RGL1: variants seen among roughly 807,000 people sequenced by gnomAD.
The protein encoded by RGL1 is ral guanine nucleotide dissociation stimulator like 1.
Under a neutral mutation model 95.2 loss-of-function variants are expected in RGL1, and 24 were observed. That is an observed-to-expected ratio of 0.25 (90% confidence interval 0.18 to 0.35). RGL1 has a LOEUF of 0.35. Ranked by LOEUF, RGL1 falls within the 10% of genes least tolerant of loss-of-function variation. RGL1 has a pLI of 1.00. For synonymous variants in RGL1, 329 were observed against 344.9 expected (o/e 0.95, Z 0.51); for missense variants, 715 against 936.3 (o/e 0.76, Z 3.08).
At chr1:183,645,097 A>C (rs1650192702) in intron 1 of RGL1, among the ~76,000 whole-genome samples, 1 of 152,232 alleles carries the variant, frequency 6.6e-6, no homozygotes. Flanking sequence ...TTTGAGTCAC[A>C]TAATGGACTC....
At chr1:183,769,992 G>C (rs1659193883) in intron 2 of RGL1, among the ~76,000 whole-genome samples, 1 of 152,160 alleles carries the variant, frequency 6.6e-6, no homozygotes, top group South Asian at 2.1e-4. Context: ...GGGCAAAATA[G>C]TATTACAAAA....
chr1:183,723,095 G>A (rs746580852), intron 1 of RGL1, among the ~76,000 whole-genome samples: 16 of 152,108 alleles, frequency 1.1e-4, no homozygotes, highest in Non-Finnish European at 2.1e-4. Flanking sequence ...TGTATTTTAT[G>A]TAAAATATTG....
intron 1 of RGL1, among the ~76,000 whole-genome samples, chr1:183,656,113 CTT>C (rs60220835): frequency 6.9e-6 from 1 of 144,972 alleles, no homozygotes; most frequent in African/African-American, 2.5e-5. Context: ...CTTTTCTTTT[CTT>C]TTTTTTTTCT....
At chr1:183,674,084 C>T (rs921094673) in intron 1 of RGL1, among the ~76,000 whole-genome samples, 3 of 152,150 alleles carry the variant, frequency 2.0e-5, no homozygotes, top group Middle Eastern at 6.3e-3. Flanking sequence ...ATTTCCTGGA[C>T]TCATCTTTCC....
At chr1:183,742,001 T>C in intron 1 of RGL1, 2 of 631,938 alleles carry the variant, frequency 3.2e-6, no homozygotes, top group Non-Finnish European at 5.3e-6. Flanking sequence ...TAAAAGTTGA[T>C]GCCTATTATG....
chr1:183,690,799 T>C (rs1653900350), intron 1 of RGL1, among the ~76,000 whole-genome samples: 1 of 152,194 alleles, frequency 6.6e-6, no homozygotes, highest in South Asian at 2.1e-4. Context: ...CTGATTTTTC[T>C]TCTACTTGTT....
chr1:183,671,993 C>T (rs945141210), intron 1 of RGL1, among the ~76,000 whole-genome samples: 8 of 149,096 alleles, frequency 5.4e-5, no homozygotes, highest in Admixed American at 2.0e-4. Flanking sequence ...AGTGCAGTGG[C>T]GCGATCTTGG....
At chr1:183,677,856 G>A (rs115541270) in intron 1 of RGL1, among the ~76,000 whole-genome samples, 1 of 152,296 alleles carries the variant, frequency 6.6e-6, no homozygotes, top group African/African-American at 2.4e-5. Context: ...GCTGGGACTT[G>A]AATCCAGTCT....
At chr1:183,684,984 G>A (rs11800751) in intron 1 of RGL1, among the ~76,000 whole-genome samples, 12,322 of 152,230 alleles carry the variant, frequency 0.081, 919 homozygotes, top group African/African-American at 0.2. Context: ...AAAATCACCC[G>A]CCTTCTGCGT....
intron 1 of RGL1, among the ~76,000 whole-genome samples, chr1:183,699,035 G>A (rs1462163744): frequency 6.6e-6 from 1 of 152,240 alleles, no homozygotes; most frequent in Non-Finnish European, 1.5e-5. Context: ...GAATTATAAA[G>A]ATTTTAGCTG....
chr1:183,811,750 C>T (rs901602738), intron 2 of RGL1, among the ~76,000 whole-genome samples: 1 of 152,142 alleles, frequency 6.6e-6, no homozygotes, highest in East Asian at 1.9e-4. Flanking sequence ...ATATCCATTT[C>T]AATTCACCAA....
intron 2 of RGL1, among the ~76,000 whole-genome samples, chr1:183,773,456 G>A (rs561984696): frequency 9.2e-5 from 14 of 152,208 alleles, no homozygotes; most frequent in Non-Finnish European, 1.6e-4. Flanking sequence ...TTTGTGTTTC[G>A]CCCTGAGATG....
intron 1 of RGL1, among the ~76,000 whole-genome samples, chr1:183,678,100 G>A (rs889823071): frequency 2.6e-5 from 4 of 152,122 alleles, no homozygotes; most frequent in African/African-American, 9.7e-5. Context: ...TTTGGGGGTT[G>A]GAGGATTAAT....
At chr1:183,760,255 CT>C (rs1658585679) in intron 2 of RGL1, among the ~76,000 whole-genome samples, 1 of 152,114 alleles carries the variant, frequency 6.6e-6, no homozygotes, top group Non-Finnish European at 1.5e-5. Context: ...AGGGTCTTGC[CT>C]CAATGTTGAT....
At chr1:183,779,604 G>A (rs1302679926) in intron 2 of RGL1, among the ~76,000 whole-genome samples, 1 of 152,132 alleles carries the variant, frequency 6.6e-6, no homozygotes, top group African/African-American at 2.4e-5. Flanking sequence ...CACGATGAGT[G>A]TGTAAGATGA....
At chr1:183,679,966 G>T (rs1323953342) in intron 1 of RGL1, among the ~76,000 whole-genome samples, 1 of 152,188 alleles carries the variant, frequency 6.6e-6, no homozygotes, top group Non-Finnish European at 1.5e-5. Flanking sequence ...CTAATGACCA[G>T]TGATGATGAG....
chr1:183,760,180 T>A (rs1421382417), intron 2 of RGL1, among the ~76,000 whole-genome samples: 1 of 152,220 alleles, frequency 6.6e-6, no homozygotes, highest in Non-Finnish European at 1.5e-5. Flanking sequence ...TTAAAAATAC[T>A]GTATTTCTAA....
At chr1:183,661,698 C>A (rs945583736) in intron 1 of RGL1, among the ~76,000 whole-genome samples, 1 of 149,680 alleles carries the variant, frequency 6.7e-6, no homozygotes, top group African/African-American at 2.5e-5. Flanking sequence ...TCCTCCCTAA[C>A]TCATTTTATG....
intron 1 of RGL1, among the ~76,000 whole-genome samples, chr1:183,688,364 T>G (rs1283457366): frequency 6.6e-6 from 1 of 152,184 alleles, no homozygotes; most frequent in Non-Finnish European, 1.5e-5. Context: ...TAAAAACACC[T>G]TTTATATAGC....
Sources: gnomAD v4.1 joint callset for allele counts (sites outside exome capture counted in the v4.1 genomes callset) on GRCh38, gnomAD v4.1.1 for gene constraint, MANE v1.5 for transcripts, NCBI Gene and HGNC (gene_info 2026-07-23, HGNC 2026-07-21) for gene names.